The following LRRC1 variants were observed in gnomAD, a reference collection of about 807,000 sequenced individuals.
LRRC1 encodes leucine rich repeat containing 1.
In LRRC1, 28 loss-of-function variants were observed where a neutral mutation model predicts 69.9. The ratio of observed to expected loss-of-function variants is 0.40; its 90% confidence interval spans 0.30 to 0.55. The LOEUF is 0.55. Ranked by LOEUF, LRRC1 falls within the 20% of genes least tolerant of loss-of-function variation. LRRC1 has a pLI of 0.47. For synonymous variants in LRRC1, 236 were observed against 240.2 expected (o/e 0.98, Z 0.16); for missense variants, 498 against 609.0 (o/e 0.82, Z 1.92).
intron 3 of LRRC1, among the ~76,000 whole-genome samples, chr6:53,880,927 GT>G (rs971431845): frequency 2.0e-5 from 3 of 151,934 alleles, no homozygotes; most frequent in Non-Finnish European, 4.4e-5. Flanking sequence ...TTGCTGTTGG[GT>G]TTTTTTTAAC....
intron 10 of LRRC1, among the ~76,000 whole-genome samples, chr6:53,907,058 C>T (rs944203687): frequency 2.6e-5 from 4 of 152,324 alleles, no homozygotes; most frequent in South Asian, 2.1e-4. Flanking sequence ...CATTGCATCA[C>T]GTTGGCCCAG....
chr6:53,832,104 G>C (rs1765444031), intron 1 of LRRC1, among the ~76,000 whole-genome samples: 1 of 152,074 alleles, frequency 6.6e-6, no homozygotes, highest in Non-Finnish European at 1.5e-5. Context: ...TGCCTCATAG[G>C]AATCTTTGAT....
rs116086789 is a variant in LRRC1 at position 53,802,028 on chromosome 6, T to C, written c.159+6613T>C. ...TAAAAGCCTTGTTCACGGTTAGTTC[T>C]GGAGCAAGCAAGAAACTCCTGCAAC... On this transcript the variant is annotated intron_variant, in intron 1 of 13. Coordinates refer to ENST00000370888, the MANE Select transcript of LRRC1 (RefSeq NM_018214.5). Among the ~76,000 whole-genome samples the C allele has an allele frequency of 9.9e-3, 1,513 of 152,304 alleles. 34 individuals carry two copies. Among genetic ancestry groups the C allele is most frequent in the African/African-American group, 0.035 (1,448 of 41,564 alleles).
chr6:53,900,697 T>C (rs1253499848), intron 8 of LRRC1, among the ~76,000 whole-genome samples: 1 of 152,154 alleles, frequency 6.6e-6, no homozygotes, highest in African/African-American at 2.4e-5. Flanking sequence ...TCTGTGCTAT[T>C]TTCTTTTAAA....
intron 1 of LRRC1, among the ~76,000 whole-genome samples, chr6:53,800,819 T>C (rs1764461839): frequency 6.6e-6 from 1 of 152,024 alleles, no homozygotes; most frequent in Non-Finnish European, 1.5e-5. Flanking sequence ...TTTGTATTTT[T>C]AGTAGAGACG....
intron 1 of LRRC1, among the ~76,000 whole-genome samples, chr6:53,831,103 A>G (rs531983645): frequency 6.6e-6 from 1 of 151,932 alleles, no homozygotes; most frequent in East Asian, 1.9e-4. Flanking sequence ...TAGCTTATGT[A>G]TATTTAGAAT....
At chr6:53,872,414 T>A in intron 2 of LRRC1, among the ~76,000 whole-genome samples, 1 of 152,214 alleles carries the variant, frequency 6.6e-6, no homozygotes, top group South Asian at 2.1e-4. Flanking sequence ...TTCTGGGTTC[T>A]CTATTCTATT....
At chr6:53,872,174 G>A (rs575227167) in intron 2 of LRRC1, among the ~76,000 whole-genome samples, 4 of 152,118 alleles carry the variant, frequency 2.6e-5, no homozygotes, top group South Asian at 4.2e-4. Flanking sequence ...GTGGATATCC[G>A]GTTTTTCCAG....
At chr6:53,870,397 T>C (rs979953541) in intron 2 of LRRC1, among the ~76,000 whole-genome samples, 1 of 152,218 alleles carries the variant, frequency 6.6e-6, no homozygotes, top group Non-Finnish European at 1.5e-5. Flanking sequence ...ACTGTAAAAT[T>C]TATATTTTAA....
intron 1 of LRRC1, among the ~76,000 whole-genome samples, chr6:53,836,086 C>G (rs1765606058): frequency 6.6e-6 from 1 of 152,158 alleles, no homozygotes; most frequent in East Asian, 1.9e-4. Context: ...TATAAGAAAG[C>G]CACTCTAGCT....
intron 11 of LRRC1, 99 bp from the exon 12 acceptor site, chr6:53,919,399 G>A (rs1277171979): frequency 2.0e-6 from 2 of 976,662 alleles, no homozygotes; most frequent in African/African-American, 1.7e-5. Context: ...ATCTCAGGAA[G>A]CTCCTTTTAA....
chr6:53,863,288 A>G (rs999678428), intron 2 of LRRC1, among the ~76,000 whole-genome samples: 9 of 152,104 alleles, frequency 5.9e-5, no homozygotes, highest in African/African-American at 2.2e-4. Flanking sequence ...AAGTAGATGC[A>G]GTGTTCATTT....
chr6:53,915,381 A>T (rs1291665850), intron 11 of LRRC1, among the ~76,000 whole-genome samples: 3 of 152,194 alleles, frequency 2.0e-5, no homozygotes, highest in Non-Finnish European at 4.4e-5. Context: ...ATCTTGATAG[A>T]TTCTTAAGAC....
At chr6:53,838,467 T>G (rs994530700) in intron 1 of LRRC1, among the ~76,000 whole-genome samples, 29 of 152,216 alleles carry the variant, frequency 1.9e-4, no homozygotes, top group Admixed American at 1.6e-3. Context: ...TCTAAGTACC[T>G]TATTGACTTG....
chr6:53,919,240 T>C (rs1250315151), intron 11 of LRRC1: 10 of 186,548 alleles, frequency 5.4e-5, no homozygotes, highest in African/African-American at 1.3e-4. Context: ...TTTTTTTTTT[T>C]TTTTTTTTTT....
At chr6:53,842,804 A>G (rs1054289965) in intron 2 of LRRC1, among the ~76,000 whole-genome samples, 1 of 152,156 alleles carries the variant, frequency 6.6e-6, no homozygotes. Flanking sequence ...TGTGTTTCTA[A>G]TTAGGCTGCT....
chr6:53,804,177 A>G (rs1166447600), intron 1 of LRRC1, among the ~76,000 whole-genome samples: 1 of 152,208 alleles, frequency 6.6e-6, no homozygotes, highest in East Asian at 1.9e-4. Context: ...AAGAACAAAA[A>G]AGAAAGAATA....
At chr6:53,894,092 A>G (rs1302494448) in intron 4 of LRRC1, among the ~76,000 whole-genome samples, 1 of 152,252 alleles carries the variant, frequency 6.6e-6, no homozygotes, top group African/African-American at 2.4e-5. Context: ...AATTTAAATG[A>G]GAGAGTTTTG....
At chr6:53,797,510 C>T (rs1764336414) in intron 1 of LRRC1, among the ~76,000 whole-genome samples, 1 of 152,130 alleles carries the variant, frequency 6.6e-6, no homozygotes, top group Non-Finnish European at 1.5e-5. Context: ...ATCTGTATAA[C>T]TTATTACCAC....
Sources: gnomAD v4.1 joint callset for allele counts (sites outside exome capture counted in the v4.1 genomes callset) on GRCh38, gnomAD v4.1.1 for gene constraint, MANE v1.5 for transcripts, NCBI Gene and HGNC (gene_info 2026-07-23, HGNC 2026-07-21) for gene names.